MGA: variants seen among roughly 807,000 people sequenced by gnomAD.
MGA encodes MAX gene-associated protein.
In MGA, 40 loss-of-function variants were observed where a neutral mutation model predicts 261.1. The ratio of observed to expected loss-of-function variants is 0.15; its 90% CI spans 0.12 to 0.20. The LOEUF (loss-of-function observed/expected upper bound fraction) is 0.20, where lower values mean the gene tolerates loss of function less well. MGA is among the 10% of genes least tolerant of loss of function. The probability of loss-of-function intolerance (pLI) is 1.00; values close to 1 mark genes in which losing one functional copy is unlikely to be tolerated. For synonymous variants in MGA, 1,302 were observed against 1,290.6 expected (o/e 1.01, Z -0.19); for missense variants, 3,397 against 3,630.5 (o/e 0.94, Z 1.65).
intron 1 of MGA, among the ~76,000 whole-genome samples, chr15:41,637,965 C>T (rs1235678082): frequency 6.8e-6 from 1 of 147,610 alleles, no homozygotes; most frequent in Non-Finnish European, 1.5e-5. Flanking sequence ...GTCTCGAACT[C>T]AGGTGGTCCA....
chr15:41,696,808 G>C lies in MGA; in HGVS notation c.1798G>C (p.Val600Leu). The C allele has an allele frequency of 6.2e-7, 1 of 1,602,598 alleles. No individual in the cohort carries two copies. Among genetic ancestry groups the C allele is most frequent in the Non-Finnish European group, 8.5e-7 (1 of 1,174,420 alleles). Residue 600 changes from valine (V) to leucine (L), a missense_variant, in exon 3 of 24, where the codon GTG becomes CTG. By Grantham distance (32) the Val-to-Leu change is conservative. Coordinates refer to ENST00000219905, the MANE Select transcript of MGA (RefSeq NM_001164273.2). Reference sequence around the variant, plus strand: ...TAAGATTGCAACAGCCGCAAAGGTAGTGAATGCTAATCAGAATGCCTCTCC... The same window carrying C: ...TAAGATTGCAACAGCCGCAAAGGTACTGAATGCTAATCAGAATGCCTCTCC...
Position 41,749,835 on chromosome 15 carries a change from T to G in MGA, c.6228T>G (p.Ser2076Arg), listed in dbSNP as rs777456300. The change falls in exon 17 of 24, where the codon AGT (serine) becomes AGG (arginine). Residue 2076 changes from serine to arginine, a missense_variant. Coordinates refer to ENST00000219905, the MANE Select transcript of MGA (RefSeq NM_001164273.2). The stretch of plus-strand genomic sequence containing the variant: ...AATATGGGGCTAGGAATCGTAAGAG[T>G]TCCAAAGAAAAAGTGGCTGTTCTGG... 2.5e-6 allele frequency: 4 copies of G among 1,613,574 alleles called. No individual in the cohort carries two copies. In the East Asian group the frequency reaches 8.9e-5, roughly 36 times the overall value.
chr15:41,710,249 T>C (rs2060322082), intron 7 of MGA, among the ~76,000 whole-genome samples: 1 of 152,192 alleles, frequency 6.6e-6, no homozygotes, highest in African/African-American at 2.4e-5. Flanking sequence ...CAATAAATAA[T>C]ATAATGTGAT....
chr15:41,697,294 C>T lies in MGA; in HGVS notation c.2013+271C>T, dbSNP rs915514125. Among the ~76,000 whole-genome samples, 7 of 151,992 alleles carry T rather than the reference C, an allele frequency of 4.6e-5. No individual in the cohort carries two copies. The East Asian group carries it at 5.8e-4, about 13-fold the overall frequency. ...CATAGCTGTGTTTAAAAAAAGTCTT[C>T]GGGTCTTACTGGAATTTTCATCATT... On this transcript the variant is annotated intron_variant, in intron 3 of 23. Transcript: ENST00000219905.
At chr15:41,626,681 C>T (rs2056463128) in intron 1 of MGA, among the ~76,000 whole-genome samples, 1 of 152,106 alleles carries the variant, frequency 6.6e-6, no homozygotes, top group South Asian at 2.1e-4. Context: ...CCTTGGCTTC[C>T]CAAAGTGCTG....
At chr15:41,739,260 A>AT (rs2061959376) in intron 13 of MGA, among the ~76,000 whole-genome samples, 1 of 152,152 alleles carries the variant, frequency 6.6e-6, no homozygotes, top group Non-Finnish European at 1.5e-5. Flanking sequence ...CTGACTATTT[A>AT]GTTAATTATG....
intron 1 of MGA, among the ~76,000 whole-genome samples, chr15:41,648,574 G>T (rs1401555690): frequency 1.3e-5 from 2 of 152,222 alleles, no homozygotes; most frequent in African/African-American, 2.4e-5. Flanking sequence ...AAACTGGTAG[G>T]ATGTATAGGT....
intron 1 of MGA, among the ~76,000 whole-genome samples, chr15:41,667,494 C>G (rs1595625531): frequency 6.6e-6 from 1 of 152,058 alleles, no homozygotes; most frequent in East Asian, 1.9e-4. Context: ...GATCTGACCT[C>G]CTTGGCCTCC....
intron 1 of MGA, among the ~76,000 whole-genome samples, chr15:41,634,663 T>C (rs1338568754): frequency 6.6e-6 from 1 of 152,142 alleles, no homozygotes; most frequent in Non-Finnish European, 1.5e-5. Context: ...AGTTGCTGGG[T>C]ATGAAGATTG....
In MGA at chr15:41,742,624, G is replaced by C. The variant is rs776608268; in HGVS notation, c.4664G>C (p.Gly1555Ala). The change falls in exon 15 of 24, where the codon GGA (glycine) becomes GCA (alanine). Residue 1555 changes from glycine to alanine, a missense_variant. Physicochemically the swap from Gly to Ala is moderately conservative, Grantham distance 60. This residue lies in a region of MGA where 1,410 missense variants were observed against 1,386.4 expected (regional missense o/e 1.02). Transcript: ENST00000219905. ...GGAGCCTTGCAGCAGAAGATACCTG[G>C]AGTTAGCACACCCCAAACCCTGGCA... is the stretch of plus-strand genomic sequence containing the variant. 1 of 1,613,898 alleles carries C rather than the reference G, an allele frequency of 6.2e-7. No homozygotes were observed. The highest frequency in any genetic ancestry group is 8.5e-7 in the Non-Finnish European group (1 of 1,179,866).
intron 9 of MGA, among the ~76,000 whole-genome samples, chr15:41,726,483 T>A (rs938498813): frequency 2.0e-5 from 3 of 152,184 alleles, no homozygotes; most frequent in African/African-American, 7.2e-5. Context: ...AATCTGGCAC[T>A]GTGGGAGGCC....
At position 41,699,988 on chromosome 15, in the gene MGA, A is replaced by G. The variant is rs143401256; in HGVS notation, c.2188+829A>G. ...TACGTGTACAGAATGTGCAGGTTACATAGTTATACATGTGCTATGGTGGTT... is the reference window on the plus strand; with the variant it reads ...TACGTGTACAGAATGTGCAGGTTACGTAGTTATACATGTGCTATGGTGGTT... On this transcript the variant is annotated intron_variant, in intron 5 of 23. Transcript: ENST00000219905. 2.0e-3 allele frequency among the ~76,000 whole-genome samples: 296 copies of G among 149,256 alleles called. 2 individuals carry two copies. The highest frequency in any genetic ancestry group is 7.1e-3 in the African/African-American group (288 of 40,710).
upstream of MGA, among the ~76,000 whole-genome samples, chr15:41,656,046 T>TG (rs1293197028): frequency 2.0e-5 from 3 of 152,196 alleles, no homozygotes; most frequent in Non-Finnish European, 4.4e-5. Context: ...AATGGTCTAA[T>TG]GCGGAAGACA....
chr15:41,662,573 G>A (rs2057476427), intron 1 of MGA, among the ~76,000 whole-genome samples: 1 of 152,150 alleles, frequency 6.6e-6, no homozygotes, highest in Non-Finnish European at 1.5e-5. Flanking sequence ...TATTAAATTA[G>A]TAAAAATAAG....
At chr15:41,763,330 T>C (rs909398549) in intron 22 of MGA, among the ~76,000 whole-genome samples, 2 of 151,358 alleles carry the variant, frequency 1.3e-5, no homozygotes, top group Non-Finnish European at 3.0e-5. Context: ...CTCGATCTCC[T>C]GACCTCGTGA....
At position 41,748,933 on chromosome 15, in the gene MGA, A is replaced by G; in HGVS notation, c.5503+6A>G. On this transcript the variant is annotated splice_donor_region_variant and intron_variant, in intron 16 of 23. Coordinates refer to ENST00000219905, the MANE Select transcript of MGA (RefSeq NM_001164273.2). ...TGTCATGTTTCGGAACCCAGGTATA[A>G]AGTTCTTTTTTATGAACTTTTCTTT... The G allele has an allele frequency of 2.5e-6, 4 of 1,610,932 alleles. No individual in the cohort carries two copies. Among genetic ancestry groups the G allele is most frequent in the Non-Finnish European group, 3.4e-6 (4 of 1,178,760 alleles).
chr15:41,736,292 A>C lies in MGA; in HGVS notation c.4028A>C (p.Asn1343Thr), dbSNP rs1298282119. 2.5e-6 allele frequency: 4 copies of C among 1,613,906 alleles called. No homozygotes were observed. In the South Asian group the frequency reaches 4.4e-5, roughly 18 times the overall value. Residue 1343 changes from asparagine to threonine, a missense_variant, in exon 13 of 24, where the codon AAC (asparagine) becomes ACC (threonine). By Grantham distance (65) the Asn-to-Thr change is moderately conservative. Coordinates refer to ENST00000219905, the MANE Select transcript of MGA (RefSeq NM_001164273.2). Reference sequence around the variant, plus strand: ...CTGATTGAGATCATCTCAGACTGCAACTGGGAGGAAGATCGGAACAAGATT... The same window carrying C: ...CTGATTGAGATCATCTCAGACTGCACCTGGGAGGAAGATCGGAACAAGATT...
intron 2 of MGA, among the ~76,000 whole-genome samples, chr15:41,692,060 G>A (rs1399839355): frequency 3.9e-5 from 6 of 152,130 alleles, no homozygotes; most frequent in Non-Finnish European, 8.8e-5. Flanking sequence ...TTACTAGTAT[G>A]TTAGATCATT....
chr15:41,732,179 C>T (rs1163688981), intron 11 of MGA, among the ~76,000 whole-genome samples: 2 of 149,260 alleles, frequency 1.3e-5, no homozygotes, highest in East Asian at 1.9e-4. Flanking sequence ...GACGAATTCT[C>T]GCTCTGTCCC....
Sources: gnomAD v4.1 joint callset for allele counts (sites outside exome capture counted in the v4.1 genomes callset) on GRCh38, gnomAD v4.1.1 for gene constraint, gnomAD v4.1.1 regional missense constraint, MANE v1.5 for transcripts, NCBI Gene and HGNC (gene_info 2026-07-23, HGNC 2026-07-21) for gene names.